Variants in DCAF5 observed in about 807,000 individuals in gnomAD.
The protein encoded by DCAF5 is DDB1- and CUL4-associated factor 5.
Under a neutral mutation model 80.7 loss-of-function variants are expected in DCAF5, and 9 were observed. The ratio of observed to expected loss-of-function variants is 0.11; its 90% CI spans 0.07 to 0.19. The LOEUF is 0.19. DCAF5 is among the 10% of genes least tolerant of loss of function. The pLI is 1.00. For missense variants in DCAF5, 842 were observed against 1,205.7 expected (o/e 0.70, Z 4.47); for synonymous variants, 433 against 461.9 (o/e 0.94, Z 0.80).
In DCAF5 at chr14:69,054,326, C is replaced by T; in HGVS notation, c.2360G>A (p.Ser787Asn). The T allele has an allele frequency of 6.2e-7, 1 of 1,614,232 alleles. No homozygotes were observed. The highest frequency in any genetic ancestry group is 2.2e-5 in the East Asian group (1 of 44,886). ...TKKLNGKALS[S>N]RAEEPPSPPV... ...AGGAGAAGGCGGCTCCTCAGCCCGACTGCTCAGGGCCTTTCCATTGAGCTT... is the reference window on the plus strand; with the variant it reads ...AGGAGAAGGCGGCTCCTCAGCCCGATTGCTCAGGGCCTTTCCATTGAGCTT... Residue 787 changes from serine to asparagine, a missense_variant, in exon 9 of 9, where the codon AGT becomes AAT. Transcript: ENST00000341516.
chr14:69,074,837 C>T lies in DCAF5; in HGVS notation c.946+508G>A, dbSNP rs140514208. Reference sequence around the variant, plus strand: ...TCATCTGAGATCAGGAATTTGAGACCAGGCTGGCCAACATGGTGAAACCCT... The same window carrying T: ...TCATCTGAGATCAGGAATTTGAGACTAGGCTGGCCAACATGGTGAAACCCT... On this transcript the variant is annotated intron_variant, in intron 7 of 8. Transcript: ENST00000341516. Among the ~76,000 whole-genome samples, 1,060 of 152,122 alleles carry T rather than the reference C, an allele frequency of 7.0e-3. 10 individuals carry two copies. The highest frequency in any genetic ancestry group is 0.024 in the African/African-American group (975 of 41,484).
chr14:69,083,961 A>G, intron 6 of DCAF5: 1 of 781,540 alleles, frequency 1.3e-6, no homozygotes, highest in Non-Finnish European at 2.4e-6. Flanking sequence ...GAAGGCAATA[A>G]AAGAAATGGG....
chr14:69,091,303 T>C (rs1212254394), intron 6 of DCAF5: 3 of 602,322 alleles, frequency 5.0e-6, no homozygotes, highest in Admixed American at 2.9e-5. Flanking sequence ...TCATTCATCA[T>C]TGTGTTTTAT....
intron 1 of DCAF5, among the ~76,000 whole-genome samples, chr14:69,146,629 G>A (rs975867065): frequency 6.6e-6 from 1 of 152,166 alleles, no homozygotes; most frequent in Non-Finnish European, 1.5e-5. Flanking sequence ...AAAAGGTCAT[G>A]AAATGTTACA....
At chr14:69,085,104 C>A in intron 6 of DCAF5, 2 of 858,840 alleles carry the variant, frequency 2.3e-6, no homozygotes, top group South Asian at 1.3e-5. Flanking sequence ...CTACTTTTTT[C>A]ATAAGTCAGC....
chr14:69,118,224 C>T lies in DCAF5; in HGVS notation c.450G>A (p.Val150=). The part of the protein sequence containing the change: ...AHEDAVYGLS[V]SPVNDNIFAS... The stretch of plus-strand genomic sequence containing the variant: ...CAAAAATGTTGTCATTCACTGGGCT[C>T]ACAGACAAGCCATATACTGCATCTT... The change falls in exon 4 of 9, where the codon GTG becomes GTA. Residue 150 remains valine (V), a synonymous_variant. Coordinates refer to ENST00000341516, the MANE Select transcript of DCAF5 (RefSeq NM_003861.3). This position sits in a 1 kb window ranked among gnomAD's most constrained non-coding sequence, Gnocchi z 4.0. The T allele has an allele frequency of 1.2e-6, 2 of 1,613,956 alleles. No homozygotes were observed. The highest frequency in any genetic ancestry group is 1.7e-6 in the Non-Finnish European group (2 of 1,179,900).
At chr14:69,097,582 ATTT>A (rs755644268) in intron 5 of DCAF5, among the ~76,000 whole-genome samples, 104 of 125,262 alleles carry the variant, frequency 8.3e-4, no homozygotes, top group South Asian at 3.0e-3. Flanking sequence ...TATTATTATT[ATTT>A]TTTTTTTTTT....
At position 69,101,138 on chromosome 14, in the gene DCAF5, C is replaced by T. The variant is rs576582862; in HGVS notation, c.666-9251G>A. On this transcript the variant is annotated intron_variant, in intron 5 of 8. Transcript: ENST00000341516. ...GACCCTGACCACACAATCAAGCAGCCGAAATAGAAGCAAGTTTTTTCTGCT... is the reference window on the plus strand; with the variant it reads ...GACCCTGACCACACAATCAAGCAGCTGAAATAGAAGCAAGTTTTTTCTGCT... Among the ~76,000 whole-genome samples the T allele has an allele frequency of 9.9e-5, 15 of 152,212 alleles. 1 individual carries two copies. The highest frequency in any genetic ancestry group is 5.9e-4 in the Admixed American group (9 of 15,276).
chr14:69,141,879 C>A (rs142936096), intron 1 of DCAF5, among the ~76,000 whole-genome samples: 3 of 152,302 alleles, frequency 2.0e-5, no homozygotes, highest in Admixed American at 2.0e-4. Context: ...CCTACATAAT[C>A]CCAGCCCTTT....
intron 5 of DCAF5, among the ~76,000 whole-genome samples, chr14:69,109,444 G>A (rs2040278152): frequency 2.0e-5 from 3 of 151,910 alleles, no homozygotes. Flanking sequence ...TTGCCACCCA[G>A]ATCAAGATAT....
intron 5 of DCAF5, among the ~76,000 whole-genome samples, chr14:69,113,975 G>A (rs2040457597): frequency 1.3e-5 from 2 of 152,050 alleles, no homozygotes; most frequent in Non-Finnish European, 2.9e-5. Flanking sequence ...CTCCTATATG[G>A]GCTCTGAAAA....
At chr14:69,147,943 C>T in intron 1 of DCAF5, among the ~76,000 whole-genome samples, 1 of 151,970 alleles carries the variant, frequency 6.6e-6, no homozygotes, top group Non-Finnish European at 1.5e-5. Flanking sequence ...ACTCTCATTC[C>T]AAAGAGCCAA....
At chr14:69,084,062 TA>T (rs1388957162) in intron 6 of DCAF5, 1 of 785,100 alleles carries the variant, frequency 1.3e-6, no homozygotes. Flanking sequence ...CCGTCAGTGG[TA>T]AAACCCCAGC....
At chr14:69,138,875 GTGGC>G (rs1483068678) in intron 1 of DCAF5, among the ~76,000 whole-genome samples, 1 of 152,236 alleles carries the variant, frequency 6.6e-6, no homozygotes, top group Non-Finnish European at 1.5e-5. Flanking sequence ...GCCAGGCACA[GTGGC>G]TCATACCTGT....
intron 1 of DCAF5, among the ~76,000 whole-genome samples, chr14:69,130,700 A>C (rs1174438076): frequency 6.6e-6 from 1 of 152,246 alleles, no homozygotes; most frequent in Non-Finnish European, 1.5e-5. Flanking sequence ...ACAATTTCTA[A>C]AATATAACGT....
At position 69,084,578 on chromosome 14, in the gene DCAF5, G is replaced by C. The variant is rs2039245040; in HGVS notation, c.879+7096C>G. ...AGCTAATGCAACAGTGGATGGTCTTGAGCAGGGATATGTTGTTTGTCCTTC... is the reference window on the plus strand; with the variant it reads ...AGCTAATGCAACAGTGGATGGTCTTCAGCAGGGATATGTTGTTTGTCCTTC... On this transcript the variant is annotated intron_variant, in intron 6 of 8. Transcript: ENST00000341516. 1.7e-5 allele frequency: 13 copies of C among 787,088 alleles called. 1 individual carries two copies. The South Asian group carries it at 2.1e-4, about 12-fold the overall frequency. 48.8% of individuals were successfully genotyped at this position (787,088 alleles called of 1,614,324 possible). A position where few individuals can be genotyped will look rare whatever the true frequency, so the allele number is the denominator to read the frequency against.
chr14:69,058,284 C>T (rs536105150), intron 8 of DCAF5, among the ~76,000 whole-genome samples: 12 of 151,850 alleles, frequency 7.9e-5, no homozygotes, highest in East Asian at 1.9e-4. Flanking sequence ...TTTGGGAGGC[C>T]GTGGCGGGTA....
At chr14:69,070,041 G>T (rs930338776) in intron 7 of DCAF5, among the ~76,000 whole-genome samples, 1 of 152,142 alleles carries the variant, frequency 6.6e-6, no homozygotes, top group South Asian at 2.1e-4. Context: ...CAGGAGTTTG[G>T]TAAGATTAGG....
At chr14:69,078,452 T>A (rs187255759) in intron 6 of DCAF5, among the ~76,000 whole-genome samples, 55 of 152,238 alleles carry the variant, frequency 3.6e-4, no homozygotes, top group African/African-American at 1.3e-3. Context: ...CAATTCTGGG[T>A]ATATATCCAA....
Sources: allele counts gnomAD v4.1 joint callset (sites outside exome capture counted in the v4.1 genomes callset), GRCh38; gene constraint gnomAD v4.1.1; non-coding constraint Gnocchi (gnomAD v3.1); transcripts MANE v1.5; gene names NCBI Gene and HGNC (gene_info 2026-07-23, HGNC 2026-07-21).